Variants in RAB11FIP4 observed in about 807,000 individuals in gnomAD.
RAB11FIP4 encodes the protein RAB11 family interacting protein 4, also known as rab11 family-interacting protein 4.
Under a neutral mutation model 74.3 loss-of-function variants are expected in RAB11FIP4, and 23 were observed. The ratio of observed to expected loss-of-function variants is 0.31; its 90% CI spans 0.22 to 0.44. The LOEUF is 0.44. Ranked by LOEUF, RAB11FIP4 falls within the 20% of genes least tolerant of loss-of-function variation. RAB11FIP4 has a pLI of 1.00. For missense variants in RAB11FIP4, 630 were observed against 863.9 expected (o/e 0.73, Z 3.39); for synonymous variants, 360 against 359.9 (o/e 1.00, Z 0.00).
In RAB11FIP4 at chr17:31,537,037, G is replaced by T. The variant is rs542804811; in HGVS notation, c.*5305G>T. 3 of 399,350 alleles carry T rather than the reference G, an allele frequency of 7.5e-6. No individual in the cohort carries two copies. The highest frequency in any genetic ancestry group is 7.1e-5 in the East Asian group (2 of 28,078). 24.7% of individuals were successfully genotyped at this position (399,350 alleles called of 1,614,324 possible). ...ATGTCTCCTGCAGGATCCAAGTGCT[G>T]TTGTCCCCAGGGTGACCCTGCCTCC... On this transcript the variant is annotated 3_prime_UTR_variant, in exon 15 of 15. Transcript: ENST00000621161.
chr17:31,497,742 G>C (rs2072144194), intron 3 of RAB11FIP4, among the ~76,000 whole-genome samples: 1 of 152,176 alleles, frequency 6.6e-6, no homozygotes, highest in South Asian at 2.1e-4. Context: ...GGGGATGTCT[G>C]GGTGACAGTG....
chr17:31,434,911 C>A (rs533907865), intron 3 of RAB11FIP4, among the ~76,000 whole-genome samples: 16 of 152,192 alleles, frequency 1.1e-4, no homozygotes, highest in Non-Finnish European at 2.2e-4. Flanking sequence ...GTAGGCCTGG[C>A]GTGATGGCTG....
Position 31,481,076 on chromosome 17 carries a change from A to G in RAB11FIP4, c.337-36575A>G, listed in dbSNP as rs570957702. On this transcript the variant is annotated intron_variant, in intron 3 of 14. Coordinates refer to ENST00000621161, the MANE Select transcript of RAB11FIP4 (RefSeq NM_032932.6). The stretch of plus-strand genomic sequence containing the variant: ...AATGAAGGAATGACTGAAAGAATGA[A>G]GGAATGAATGAAAGAATGAAGGAAT... 3.9e-5 allele frequency among the ~76,000 whole-genome samples: 6 copies of G among 152,268 alleles called. No individual in the cohort carries two copies. The South Asian group carries it at 1.2e-3, about 32-fold the overall frequency.
At position 31,448,392 on chromosome 17, in the gene RAB11FIP4, A is replaced by ATTTTTTTTTTTTTTTTTTTTTTT. The variant is rs1213382436; in HGVS notation, c.336+14289_336+14290insTTTTTTTTTTTTTTTTTTTTTTT. 8 of 79,808 alleles carry ATTTTTTTTTTTTTTTTTTTTTTT rather than the reference A, an allele frequency of 1.0e-4. 3 individuals are homozygous for ATTTTTTTTTTTTTTTTTTTTTTT. Among genetic ancestry groups the ATTTTTTTTTTTTTTTTTTTTTTT allele is most frequent in the East Asian group, 4.0e-4 (1 of 2,516 alleles). The allele number at this position is 79,808 out of a possible 1,614,324, so 4.9% of individuals were successfully genotyped here. ...AGGCTCATACCACCACATCCAGCTA[A>ATTTTTTTTTTTTTTTTTTTTTTT]TTTTTTTTTTTTTTTTTTTGGCAGA... is the stretch of plus-strand genomic sequence containing the variant. On this transcript the variant is annotated intron_variant, in intron 3 of 14. Transcript: ENST00000621161.
intron 3 of RAB11FIP4, among the ~76,000 whole-genome samples, chr17:31,510,631 C>T (rs773735218): frequency 3.3e-5 from 5 of 152,114 alleles, no homozygotes; most frequent in Non-Finnish European, 7.4e-5. Context: ...GTGTGCAGGG[C>T]GACCTTCCAT....
chr17:31,464,228 G>A (rs1449812583), intron 3 of RAB11FIP4, among the ~76,000 whole-genome samples: 1 of 151,618 alleles, frequency 6.6e-6, no homozygotes, highest in Non-Finnish European at 1.5e-5. Flanking sequence ...GACCCCCCCA[G>A]CTTTCTCAGG....
At chr17:31,434,249 A>G in intron 3 of RAB11FIP4, 127 bp downstream of exon 3, 2 of 756,844 alleles carry the variant, frequency 2.6e-6, no homozygotes, top group South Asian at 3.2e-5. Context: ...TGAGCATCAG[A>G]GTCAAGAAAT....
At chr17:31,451,109 T>G (rs1169916864) in intron 3 of RAB11FIP4, among the ~76,000 whole-genome samples, 6 of 152,206 alleles carry the variant, frequency 3.9e-5, no homozygotes, top group South Asian at 2.1e-4. Flanking sequence ...CCCGATGGCC[T>G]GCATTCTCTC....
In RAB11FIP4 at chr17:31,406,663, G is replaced by A. The variant is rs548583617; in HGVS notation, c.159+14652G>A. 5.9e-5 allele frequency among the ~76,000 whole-genome samples: 9 copies of A among 152,098 alleles called. No homozygotes were observed. The South Asian group carries it at 6.2e-4, about 11-fold the overall frequency. On this transcript the variant is annotated intron_variant, in intron 1 of 14. Transcript: ENST00000621161. ...TTTTTCCATGTTGCTATTTACTCTT[G>A]GTATTTCTTTCTGCATAAACTGTCC...
chr17:31,414,050 A>G (rs1722695356), intron 1 of RAB11FIP4, among the ~76,000 whole-genome samples: 1 of 152,212 alleles, frequency 6.6e-6, no homozygotes, highest in African/African-American at 2.4e-5. Flanking sequence ...GTCAGCTGCC[A>G]GGCTGTCTTG....
At chr17:31,480,804 A>T (rs1438686374) in intron 3 of RAB11FIP4, among the ~76,000 whole-genome samples, 1 of 149,410 alleles carries the variant, frequency 6.7e-6, no homozygotes, top group African/African-American at 2.5e-5. Context: ...AAAAAAAAAA[A>T]AAAAAAAAAA....
At chr17:31,471,574 C>G (rs983714027) in intron 3 of RAB11FIP4, among the ~76,000 whole-genome samples, 1 of 152,166 alleles carries the variant, frequency 6.6e-6, no homozygotes, top group African/African-American at 2.4e-5. Context: ...GCAGGTCACC[C>G]AGCTGGGAAG....
At chr17:31,405,290 G>A (rs1052454420) in intron 1 of RAB11FIP4, among the ~76,000 whole-genome samples, 1 of 152,112 alleles carries the variant, frequency 6.6e-6, no homozygotes, top group Non-Finnish European at 1.5e-5. Flanking sequence ...TGAGCCCAGC[G>A]CAGGTGGCAC....
At chr17:31,424,097 C>G (rs1397825068) in intron 1 of RAB11FIP4, among the ~76,000 whole-genome samples, 1 of 152,134 alleles carries the variant, frequency 6.6e-6, no homozygotes, top group African/African-American at 2.4e-5. Context: ...CTCTGTGCAC[C>G]TGCTGCACAG....
chr17:31,423,580 C>T (rs569012431), intron 1 of RAB11FIP4, among the ~76,000 whole-genome samples: 22 of 152,264 alleles, frequency 1.4e-4, no homozygotes, highest in Admixed American at 1.1e-3. Flanking sequence ...CAGATCCCAA[C>T]CTGCCCTCTG....
At chr17:31,445,561 TATATATATATATATATA>T (rs1199665797) in intron 3 of RAB11FIP4, among the ~76,000 whole-genome samples, 11 of 12,624 alleles carry the variant, frequency 8.7e-4, no homozygotes, top group South Asian at 4.2e-3. Context: ...TATATATATA[TATATATATATATATATA>T]TTTTTTTTTT....
chr17:31,530,791 T>A (rs1344706301), intron 14 of RAB11FIP4, among the ~76,000 whole-genome samples: 1 of 152,178 alleles, frequency 6.6e-6, no homozygotes, highest in African/African-American at 2.4e-5. Context: ...TCACTCCCGC[T>A]CTTCCCAGTC....
chr17:31,430,103 C>T (rs146956673), intron 1 of RAB11FIP4, among the ~76,000 whole-genome samples: 86 of 152,204 alleles, frequency 5.7e-4, no homozygotes, highest in Middle Eastern at 3.4e-3. Flanking sequence ...CAGGGAGGGA[C>T]GTTTCATAGA....
At chr17:31,402,587 A>ATTTTATTTAT (rs2151615357) in intron 1 of RAB11FIP4, among the ~76,000 whole-genome samples, 1 of 122,914 alleles carries the variant, frequency 8.1e-6, no homozygotes, top group African/African-American at 3.7e-5. Context: ...GGCTCAGATT[A>ATTTTATTTAT]TTTTATTTAT....
Sources: allele counts gnomAD v4.1 joint callset (sites outside exome capture counted in the v4.1 genomes callset), GRCh38; gene constraint gnomAD v4.1.1; transcripts MANE v1.5; gene names NCBI Gene and HGNC (gene_info 2026-07-23, HGNC 2026-07-21).